ANKRD44: variants seen among roughly 807,000 people sequenced by gnomAD.
The protein encoded by ANKRD44 is ankyrin repeat domain 44, also known as serine/threonine-protein phosphatase 6 regulatory ankyrin repeat subunit B.
ANKRD44 carries 35 observed loss-of-function variants against 116.0 expected under a neutral mutation model. The observed-to-expected ratio is 0.30, with a 90% confidence interval of 0.23 to 0.40. ANKRD44 has a LOEUF of 0.40. Ranked by LOEUF, ANKRD44 falls within the 10% of genes least tolerant of loss-of-function variation. The pLI, the probability that ANKRD44 is intolerant of heterozygous loss-of-function variation, is 1.00. For synonymous variants in ANKRD44, 435 were observed against 461.8 expected (o/e 0.94, Z 0.74); for missense variants, 1,014 against 1,242.6 (o/e 0.82, Z 2.77).
At chr2:197,013,812 C>G in intron 17 of ANKRD44, 100 bp from the exon 18 acceptor site, 1 of 1,203,404 alleles carries the variant, frequency 8.3e-7, no homozygotes, top group Non-Finnish European at 1.2e-6. Flanking sequence ...TGGATAGAGA[C>G]CACTCCCAAG....
intron 1 of ANKRD44, among the ~76,000 whole-genome samples, chr2:197,192,954 T>C (rs1370705101): frequency 6.6e-6 from 1 of 152,218 alleles, no homozygotes; most frequent in Non-Finnish European, 1.5e-5. Flanking sequence ...CAGGCTATGC[T>C]GCAGAGTAAA....
At position 197,140,334 on chromosome 2, in the gene ANKRD44, T is replaced by C. The variant is rs2697259; in HGVS notation, c.191-3672A>G. Among the ~76,000 whole-genome samples the C allele has an allele frequency of 3.9e-3, 586 of 151,928 alleles. 3 individuals are homozygous for C. Among genetic ancestry groups the C allele is most frequent in the African/African-American group, 0.014 (565 of 41,430 alleles). On this transcript the variant is annotated intron_variant, in intron 3 of 27. Transcript: ENST00000282272. ...AGGCATTAAAATATATTGTTTAAAT[T>C]TTTTAGAGACAGGGTCTCACTCTGT...
intron 1 of ANKRD44, among the ~76,000 whole-genome samples, chr2:197,234,612 T>C (rs1460916531): frequency 6.6e-6 from 1 of 152,224 alleles, no homozygotes; most frequent in Non-Finnish European, 1.5e-5. Flanking sequence ...CCCATCCACC[T>C]CATTCTTTTT....
At chr2:196,990,835 T>C in intron 27 of ANKRD44, 2 of 1,232,408 alleles carry the variant, frequency 1.6e-6, no homozygotes, top group Non-Finnish European at 2.0e-6. Flanking sequence ...ATCATTGTAC[T>C]GGAAGGAGAA....
At chr2:197,188,237 G>T (rs551595122) in intron 1 of ANKRD44, among the ~76,000 whole-genome samples, 1 of 152,276 alleles carries the variant, frequency 6.6e-6, no homozygotes, top group Admixed American at 6.5e-5. Flanking sequence ...TAGTGTGATG[G>T]AAACACAACC....
Position 197,187,023 on chromosome 2 carries a change from C to T in ANKRD44, c.111G>A (p.Leu37=). 6.2e-7 allele frequency: 1 copy of T among 1,613,946 alleles called. No individual in the cohort carries two copies. The highest frequency in any genetic ancestry group is 8.5e-7 in the Non-Finnish European group (1 of 1,179,934). ...LIHKTEDVNT[L]DSEKRTPLHV... ...GTAGCAAAACCACAGTATCTCTTACCAGAGTATTCACATCTTCAGTTTTAT... is the reference window on the plus strand; with the variant it reads ...GTAGCAAAACCACAGTATCTCTTACTAGAGTATTCACATCTTCAGTTTTAT... The change falls in exon 2 of 28, where the codon CTG becomes CTA. Residue 37 remains leucine (L), a splice_region_variant and synonymous_variant. Transcript: ENST00000282272.
intron 6 of ANKRD44, among the ~76,000 whole-genome samples, chr2:197,124,462 A>G (rs905798254): frequency 7.2e-5 from 11 of 152,230 alleles, no homozygotes; most frequent in Non-Finnish European, 1.5e-4. Flanking sequence ...TTGTTATTGT[A>G]CAGATTTTTC....
chr2:197,093,651 A>G, intron 10 of ANKRD44, among the ~76,000 whole-genome samples: 1 of 152,238 alleles, frequency 6.6e-6, no homozygotes, highest in East Asian at 1.9e-4. Flanking sequence ...ATTGGAAATA[A>G]AAGAAAAGCA....
chr2:197,099,018 G>C (rs528733500), intron 10 of ANKRD44, among the ~76,000 whole-genome samples: 1 of 151,914 alleles, frequency 6.6e-6, no homozygotes, highest in South Asian at 2.1e-4. Flanking sequence ...TTTTGTTCCC[G>C]CTTTCCTCCC....
At position 197,121,461 on chromosome 2, in the gene ANKRD44, A is replaced by T; in HGVS notation, c.777T>A (p.Ile259=). 1.2e-6 allele frequency: 2 copies of T among 1,614,224 alleles called. No homozygotes were observed. The highest frequency in any genetic ancestry group is 2.2e-5 in the South Asian group (2 of 91,084). ...NGQDAVVNEL[I]DYGANVNQPN... Reference sequence around the variant, plus strand: ...GCTGGTTCACGTTAGCACCGTAGTCAATCAACTCGTTAACCACAGCATCCT... The same window carrying T: ...GCTGGTTCACGTTAGCACCGTAGTCTATCAACTCGTTAACCACAGCATCCT... The change falls in exon 8 of 28, where the codon ATT becomes ATA. Residue 259 remains isoleucine, a synonymous_variant. Transcript: ENST00000282272.
At chr2:197,094,480 T>G (rs10200931) in intron 10 of ANKRD44, among the ~76,000 whole-genome samples, 8,441 of 152,278 alleles carry the variant, frequency 0.055, 794 homozygotes, top group African/African-American at 0.19. Context: ...TAATCAGCAG[T>G]ACATGAGTTT....
intron 3 of ANKRD44, among the ~76,000 whole-genome samples, chr2:197,137,415 C>T (rs997598831): frequency 6.6e-6 from 1 of 152,098 alleles, no homozygotes; most frequent in Non-Finnish European, 1.5e-5. Context: ...AGAGGTGGCG[C>T]CTCAGGACAA....
At chr2:196,973,267 C>G (rs1468361827) in intron 21 of ANKRD44, among the ~76,000 whole-genome samples, 1 of 151,870 alleles carries the variant, frequency 6.6e-6, no homozygotes, top group Non-Finnish European at 1.5e-5. Context: ...ATATCCTTTT[C>G]CTATTTTTAA....
intron 2 of ANKRD44, among the ~76,000 whole-genome samples, chr2:197,147,657 G>A (rs566060718): frequency 6.6e-6 from 1 of 152,092 alleles, no homozygotes; most frequent in South Asian, 2.1e-4. Context: ...ATATTCTGGG[G>A]ACAGAGGGAT....
At chr2:197,252,521 C>T (rs1315008101) in intron 1 of ANKRD44, among the ~76,000 whole-genome samples, 2 of 152,164 alleles carry the variant, frequency 1.3e-5, no homozygotes, top group African/African-American at 4.8e-5. Flanking sequence ...ACTCTCCTGC[C>T]TCAGCCTCCC....
In ANKRD44 at chr2:196,988,030, T is replaced by C; in HGVS notation, c.*1561A>G. On this transcript the variant is annotated 3_prime_UTR_variant, in exon 28 of 28. Coordinates refer to ENST00000282272, the MANE Select transcript of ANKRD44 (RefSeq NM_001195144.2). Reference sequence around the variant, plus strand: ...TGTAATGAACAGTTCATTGTGAGCATGATTTCATTTCGTTCCTTTGTCCTC... The same window carrying C: ...TGTAATGAACAGTTCATTGTGAGCACGATTTCATTTCGTTCCTTTGTCCTC... 1.0e-6 allele frequency: 1 copy of C among 985,404 alleles called. No individual in the cohort carries two copies. The highest frequency in any genetic ancestry group is 1.2e-6 in the Non-Finnish European group (1 of 829,910). The allele number at this position is 985,404 out of a possible 1,614,324, so 61.0% of individuals were successfully genotyped here. A position where few individuals can be genotyped will look rare whatever the true frequency, so the allele number is the denominator to read the frequency against.
In ANKRD44 at chr2:197,209,178, T is replaced by C. The variant is rs79263760; in HGVS notation, c.28-22072A>G. 1.6e-3 allele frequency among the ~76,000 whole-genome samples: 237 copies of C among 152,356 alleles called. 1 individual carries two copies. The highest frequency in any genetic ancestry group is 5.5e-3 in the African/African-American group (229 of 41,596). ...TTTCTTCGAATAGACCAAATCCTGA[T>C]GCTGTTTATGAGCCTTGAGATAAAA... On this transcript the variant is annotated intron_variant, in intron 1 of 27. Transcript: ENST00000282272.
At chr2:197,285,899 C>A (rs1403809506) in intron 1 of ANKRD44, among the ~76,000 whole-genome samples, 2 of 152,234 alleles carry the variant, frequency 1.3e-5, no homozygotes, top group African/African-American at 4.8e-5. Context: ...CAGAATCAGG[C>A]CTTCCAGTTT....
intron 1 of ANKRD44, among the ~76,000 whole-genome samples, chr2:197,188,813 A>G (rs939197726): frequency 6.6e-6 from 1 of 152,228 alleles, no homozygotes; most frequent in Non-Finnish European, 1.5e-5. Flanking sequence ...AGATGACAGC[A>G]GTTTCCCCAA....
Sources: gnomAD v4.1 joint callset for allele counts (sites outside exome capture counted in the v4.1 genomes callset) on GRCh38, gnomAD v4.1.1 for gene constraint, MANE v1.5 for transcripts, NCBI Gene and HGNC (gene_info 2026-07-23, HGNC 2026-07-21) for gene names.